Variants in CDH6 observed in about 807,000 individuals in gnomAD.
CDH6 encodes the protein cadherin-6.
In CDH6, 31 loss-of-function variants were observed where a neutral mutation model predicts 78.0. The observed-to-expected ratio is 0.40, with a 90% CI of 0.30 to 0.54. The LOEUF is 0.54. CDH6 is among the 20% of genes least tolerant of loss of function. The pLI is 0.56. For missense variants in CDH6, 724 were observed against 975.9 expected, an observed-to-expected ratio of 0.74 and a Z score of 3.44; for synonymous variants, 376 against 368.8, an observed-to-expected ratio of 1.02 and a Z score of -0.23.
Position 31,305,325 on chromosome 5 carries a change from G to A in CDH6, c.1151G>A (p.Ser384Asn). ...VEDVDEPPVFSKLAYILQIRE... is the reference protein window; with the variant it reads ...VEDVDEPPVFNKLAYILQIRE... ...GATGTAGATGAGCCACCTGTCTTCA[G>A]CAAACTGGCCTACATCTTACAAATA... The change falls in exon 7 of 12, where the codon AGC (serine) becomes AAC (asparagine). Residue 384 changes from serine (S) to asparagine (N), a missense_variant. By Grantham distance (46) the Ser-to-Asn change is conservative. Coordinates refer to ENST00000265071, the MANE Select transcript of CDH6 (RefSeq NM_004932.4). 6.2e-7 allele frequency: 1 copy of A among 1,614,122 alleles called. No individual in the cohort carries two copies. The highest frequency in any genetic ancestry group is 8.5e-7 in the Non-Finnish European group (1 of 1,179,988).
At chr5:31,311,726 A>G (rs1240094566) in intron 7 of CDH6, among the ~76,000 whole-genome samples, 2 of 152,194 alleles carry the variant, frequency 1.3e-5, no homozygotes, top group Admixed American at 6.5e-5. Context: ...GAAGCACTAC[A>G]CTTTTAAACC....
chr5:31,235,342 G>A (rs1376114333), intron 1 of CDH6, among the ~76,000 whole-genome samples: 1 of 145,832 alleles, frequency 6.9e-6, no homozygotes, highest in African/African-American at 2.5e-5. Flanking sequence ...ACCAACAAGA[G>A]TAATTTTGTG....
At chr5:31,225,763 G>A (rs895870182) in intron 1 of CDH6, among the ~76,000 whole-genome samples, 13 of 152,136 alleles carry the variant, frequency 8.5e-5, no homozygotes, top group Non-Finnish European at 1.5e-4. Context: ...TTTGGGTGGG[G>A]ACACAGAGCC....
intron 11 of CDH6, among the ~76,000 whole-genome samples, chr5:31,320,452 T>C (rs652549): frequency 0.013 from 1,914 of 152,276 alleles, 42 homozygotes; most frequent in African/African-American, 0.044. Flanking sequence ...CTTACGTGAC[T>C]GAATGAGCCC....
rs76558690 is a variant in CDH6, at chr5:31,305,107, G to A, written c.1000-67G>A. 1.9e-4 allele frequency: 288 copies of A among 1,512,164 alleles called. No individual in the cohort carries two copies. In the African/African-American group the frequency reaches 2.7e-3, roughly 14 times the overall value. The allele number at this position is 1,512,164 out of a possible 1,614,324, so 93.7% of individuals were successfully genotyped here. Reference sequence around the variant, plus strand: ...CAGTGGTTTACACCAAAAATGTTTCGTGTCTTGGCTTTCTGTGTCTTGGCT... The same window carrying A: ...CAGTGGTTTACACCAAAAATGTTTCATGTCTTGGCTTTCTGTGTCTTGGCT... On this transcript the variant is annotated intron_variant, in intron 6 of 11. Coordinates refer to ENST00000265071, the MANE Select transcript of CDH6 (RefSeq NM_004932.4).
intron 7 of CDH6, among the ~76,000 whole-genome samples, chr5:31,306,855 C>T (rs1194773258): frequency 1.3e-5 from 2 of 151,962 alleles, no homozygotes; most frequent in Non-Finnish European, 2.9e-5. Context: ...ATAAAGAGCA[C>T]CTGGAGTACT....
At chr5:31,302,761 GA>G (rs1737807883) in intron 6 of CDH6, among the ~76,000 whole-genome samples, 1 of 104,120 alleles carries the variant, frequency 9.6e-6, no homozygotes, top group Non-Finnish European at 1.9e-5. Flanking sequence ...GAGAAAGAAA[GA>G]AAGAAAGAAA....
chr5:31,234,580 G>A (rs1219401481), intron 1 of CDH6, among the ~76,000 whole-genome samples: 1 of 152,098 alleles, frequency 6.6e-6, no homozygotes, highest in Non-Finnish European at 1.5e-5. Flanking sequence ...CCACCACCAG[G>A]TTCTCACTGT....
chr5:31,203,630 C>A (rs913265078), intron 1 of CDH6, among the ~76,000 whole-genome samples: 3 of 151,174 alleles, frequency 2.0e-5, no homozygotes, highest in Admixed American at 2.0e-4. Context: ...GCCACATTTT[C>A]TTAATCCAGT....
chr5:31,322,677 A>G (rs561565633), intron 11 of CDH6, 141 bp from the exon 12 acceptor site: 1 of 899,034 alleles, frequency 1.1e-6, no homozygotes, highest in South Asian at 1.8e-5. Flanking sequence ...AGGCAAGTGC[A>G]TCCTTAAAGA....
At position 31,323,231 on chromosome 5, in the gene CDH6, T is replaced by C; in HGVS notation, c.2296T>C (p.Tyr766His). ...VTTDADQDYD[Y>H]LSDWGPRFKK... ...CACGGATGCAGATCAAGACTATGATTACCTTAGTGACTGGGGACCTCGATT... is the reference window on the plus strand; with the variant it reads ...CACGGATGCAGATCAAGACTATGATCACCTTAGTGACTGGGGACCTCGATT... The change falls in exon 12 of 12, where the codon TAC (tyrosine) becomes CAC (histidine). Residue 766 changes from tyrosine (Y) to histidine (H), a missense_variant. By Grantham distance (83) the Tyr-to-His change is moderately conservative. Transcript: ENST00000265071. 6.2e-7 allele frequency: 1 copy of C among 1,614,136 alleles called. No homozygotes were observed. The highest frequency in any genetic ancestry group is 1.1e-5 in the South Asian group (1 of 91,082).
intron 2 of CDH6, among the ~76,000 whole-genome samples, chr5:31,270,396 T>TAAAAAAA (rs1384650287): frequency 1.9e-4 from 29 of 152,192 alleles, no homozygotes; most frequent in African/African-American, 7.0e-4. Flanking sequence ...CAAAAAAAAT[T>TAAAAAAA]ATTTCACTCT....
chr5:31,323,091 G>A lies in CDH6; in HGVS notation c.2156G>A (p.Arg719Lys). Residue 719 changes from arginine (R) to lysine (K), a missense_variant, in exon 12 of 12, where the codon AGG becomes AAG. Transcript: ENST00000265071. The stretch of plus-strand genomic sequence containing the variant: ...GATGTCAGAGATTTCATTAACCAAA[G>A]GTTAAAGGAAAATGACACGGACCCC... Reference protein sequence around the residue: ...NTDVRDFINQRLKENDTDPTA... With the variant: ...NTDVRDFINQKLKENDTDPTA... 2 of 1,614,164 alleles carry A rather than the reference G, an allele frequency of 1.2e-6. No individual in the cohort carries two copies. Among genetic ancestry groups the A allele is most frequent in the Non-Finnish European group, 8.5e-7 (1 of 1,180,028 alleles).
At chr5:31,228,052 AT>A (rs1218753974) in intron 1 of CDH6, among the ~76,000 whole-genome samples, 7 of 152,094 alleles carry the variant, frequency 4.6e-5, no homozygotes, top group Admixed American at 3.9e-4. Flanking sequence ...CTTCCTTACC[AT>A]CCCCAGCTTC....
intron 1 of CDH6, among the ~76,000 whole-genome samples, chr5:31,259,521 A>G (rs1471790660): frequency 6.6e-6 from 1 of 152,138 alleles, no homozygotes; most frequent in East Asian, 1.9e-4. Context: ...TTTAAGCTTC[A>G]TTGTCTTCCA....
At chr5:31,299,403 C>A in intron 4 of CDH6, 61 bp from the exon 5 acceptor site, 3 of 1,337,768 alleles carry the variant, frequency 2.2e-6, no homozygotes, top group South Asian at 1.3e-5. Context: ...TTGCATAAAT[C>A]AATGATTCCA....
intron 1 of CDH6, among the ~76,000 whole-genome samples, chr5:31,217,532 A>T (rs900035036): frequency 6.6e-6 from 1 of 152,116 alleles, no homozygotes; most frequent in African/African-American, 2.4e-5. Flanking sequence ...AAGTGAACTG[A>T]TTCAATCAAT....
At chr5:31,261,730 C>T (rs1045646603) in intron 1 of CDH6, among the ~76,000 whole-genome samples, 1 of 152,084 alleles carries the variant, frequency 6.6e-6, no homozygotes, top group Non-Finnish European at 1.5e-5. Flanking sequence ...AATTAATCAA[C>T]AACACCAGAA....
rs554471101 is a variant in CDH6 at position 31,302,306 on chromosome 5, C to T, written c.999+8C>T. 1.0e-5 allele frequency: 16 copies of T among 1,604,552 alleles called. No individual in the cohort carries two copies. Among genetic ancestry groups the T allele is most frequent in the Admixed American group, 5.0e-5 (3 of 59,896 alleles). ...ATTATAACTGTCAAAAAGGTAATGCCGCTTCTTAAACACCATACAGAGTGA... is the reference window on the plus strand; with the variant it reads ...ATTATAACTGTCAAAAAGGTAATGCTGCTTCTTAAACACCATACAGAGTGA... On this transcript the variant is annotated splice_region_variant and intron_variant, in intron 6 of 11. Coordinates refer to ENST00000265071, the MANE Select transcript of CDH6 (RefSeq NM_004932.4).
Sources: allele counts gnomAD v4.1 joint callset (sites outside exome capture counted in the v4.1 genomes callset), GRCh38; gene constraint gnomAD v4.1.1; transcripts MANE v1.5; gene names NCBI Gene and HGNC (gene_info 2026-07-23, HGNC 2026-07-21).